The following GSN variants were observed in gnomAD, a reference collection of about 807,000 sequenced individuals.
GSN encodes gelsolin, also known as actin-depolymerizing factor.
A neutral mutation model predicts 85.7 loss-of-function variants in GSN; 56 were observed. The ratio of observed to expected loss-of-function variants is 0.65; its 90% CI spans 0.53 to 0.82. The LOEUF (loss-of-function observed/expected upper bound fraction) is 0.82, where lower values mean the gene tolerates loss of function less well. Among genes scored for constraint, GSN ranks in the 40% least tolerant of loss-of-function variants. GSN has a pLI of 0.00. For synonymous variants in GSN, 373 were observed against 399.1 expected, an observed-to-expected ratio of 0.93 and a Z score of 0.78; for missense variants, 857 against 979.8, an observed-to-expected ratio of 0.87 and a Z score of 1.67.
intron 6 of GSN, among the ~76,000 whole-genome samples, chr9:121,256,832 T>A (rs985247210): frequency 3.8e-4 from 58 of 152,002 alleles, no homozygotes; most frequent in African/African-American, 1.4e-3. Flanking sequence ...GAGGCTGCAG[T>A]GAGCCAAGAT....
At position 121,302,177 on chromosome 9, in the gene GSN, G is replaced by T; in HGVS notation, c.196+10G>T. 1 of 1,611,910 alleles carries T rather than the reference G, an allele frequency of 6.2e-7. No individual in the cohort carries two copies. Among genetic ancestry groups the T allele is most frequent in the Non-Finnish European group, 8.5e-7 (1 of 1,179,470 alleles). On this transcript the variant is annotated intron_variant, in intron 3 of 17. Transcript: ENST00000432226. ...CTCCACTACTGGCTGGGTGAGGCTGGCCCTGCCCAGCCCCTGCCCCAGCCC... is the reference window on the plus strand; with the variant it reads ...CTCCACTACTGGCTGGGTGAGGCTGTCCCTGCCCAGCCCCTGCCCCAGCCC...
At chr9:121,268,439 G>T (rs2055389226) in intron 1 of GSN, among the ~76,000 whole-genome samples, 1 of 152,126 alleles carries the variant, frequency 6.6e-6, no homozygotes, top group Non-Finnish European at 1.5e-5. Flanking sequence ...GCCGGAGCAG[G>T]AGAGGAGAGG....
chr9:121,306,493 C>T (rs1242702010), intron 4 of GSN, among the ~76,000 whole-genome samples: 3 of 140,680 alleles, frequency 2.1e-5, no homozygotes, highest in Non-Finnish European at 3.2e-5. Context: ...CAACATGATT[C>T]TCCCCTTGGA....
At chr9:121,286,360 C>T (rs1286323194) in intron 2 of GSN, among the ~76,000 whole-genome samples, 1 of 152,230 alleles carries the variant, frequency 6.6e-6, no homozygotes, top group Non-Finnish European at 1.5e-5. Context: ...TCAGTGTGTC[C>T]GGTCAGGCCA....
upstream of GSN, chr9:121,265,155 G>A (rs1228657557): frequency 6.6e-6 from 1 of 152,200 alleles, no homozygotes; most frequent in Non-Finnish European, 1.5e-5. Context: ...TGCTTCTAGG[G>A]ACAAACTACA....
intron 6 of GSN, among the ~76,000 whole-genome samples, chr9:121,251,009 A>G (rs143902851): frequency 0.024 from 3,588 of 150,416 alleles, 161 homozygotes; most frequent in African/African-American, 0.084. Context: ...TTTTTTTTGT[A>G]GAGTTGGGGT....
chr9:121,241,951 C>T (rs1357204481), intron 5 of GSN, among the ~76,000 whole-genome samples: 1 of 152,192 alleles, frequency 6.6e-6, no homozygotes, highest in Admixed American at 6.5e-5. Flanking sequence ...GGGTGTTTGA[C>T]AGCATGAACT....
intron 6 of GSN, among the ~76,000 whole-genome samples, chr9:121,262,186 G>C (rs1293710709): frequency 6.6e-6 from 1 of 152,126 alleles, no homozygotes; most frequent in African/African-American, 2.4e-5. Context: ...AATAATTCTT[G>C]ATCCTGAGAA....
intron 2 of GSN, among the ~76,000 whole-genome samples, chr9:121,300,327 CCTTCTCT>C (rs1222803673): frequency 6.6e-6 from 1 of 152,010 alleles, no homozygotes; most frequent in Non-Finnish European, 1.5e-5. Flanking sequence ...TCACTTCTCT[CCTTCTCT>C]CTTCTGATGT....
At chr9:121,293,007 C>A (rs2058838945) in intron 2 of GSN, among the ~76,000 whole-genome samples, 1 of 152,180 alleles carries the variant, frequency 6.6e-6, no homozygotes, top group Non-Finnish European at 1.5e-5. Flanking sequence ...CAGAGCCCAG[C>A]AAGGAGGAAA....
At chr9:121,279,008 A>G (rs2057010798) in intron 1 of GSN, among the ~76,000 whole-genome samples, 3 of 152,218 alleles carry the variant, frequency 2.0e-5, no homozygotes, top group Admixed American at 2.0e-4. Flanking sequence ...ACTTTGGTAA[A>G]TCTTGAGCTG....
chr9:121,296,216 G>T lies in GSN; in HGVS notation c.-9-5747G>T, dbSNP rs1010886355. Among the ~76,000 whole-genome samples, 14 of 152,216 alleles carry T rather than the reference G, an allele frequency of 9.2e-5. 1 individual carries two copies. Among genetic ancestry groups the T allele is most frequent in the African/African-American group, 3.4e-4 (14 of 41,450 alleles). On this transcript the variant is annotated intron_variant, in intron 2 of 17. Coordinates refer to ENST00000432226, the MANE Select transcript of GSN (RefSeq NM_198252.3). ...TGCTAGGAGCTCCTGCTTGGTCTCC[G>T]CAGACAGAGCCTGGGCTCTGAAGCC...
chr9:121,264,204 AG>A (rs1481389050), upstream of GSN, among the ~76,000 whole-genome samples: 1 of 152,238 alleles, frequency 6.6e-6, no homozygotes, highest in African/African-American at 2.4e-5. Flanking sequence ...CTATAATCCC[AG>A]CACTTTCAAA....
At chr9:121,254,989 G>A (rs964227180) in intron 6 of GSN, among the ~76,000 whole-genome samples, 2 of 151,806 alleles carry the variant, frequency 1.3e-5, no homozygotes, top group South Asian at 2.1e-4. Flanking sequence ...TCTCTCTGTC[G>A]CCCAGGCTGG....
chr9:121,251,272 C>T (rs977527708), intron 6 of GSN, among the ~76,000 whole-genome samples: 1 of 140,110 alleles, frequency 7.1e-6, no homozygotes, highest in African/African-American at 2.7e-5. Flanking sequence ...ACCTCCGTCT[C>T]CCGGGTTCAA....
At chr9:121,229,403 A>G (rs1203075066) in intron 4 of GSN, among the ~76,000 whole-genome samples, 1 of 151,970 alleles carries the variant, frequency 6.6e-6, no homozygotes, top group African/African-American at 2.4e-5. Flanking sequence ...TATTTTTAGT[A>G]GAGTTGGGGT....
At chr9:121,302,235 G>T in intron 3 of GSN, 68 bp downstream of exon 3, 3 of 1,542,678 alleles carry the variant, frequency 1.9e-6, no homozygotes, top group Non-Finnish European at 1.8e-6. Context: ...TTGGGGCATG[G>T]TCCCCAGGGA....
At chr9:121,274,413 C>CT (rs1165239070) in intron 1 of GSN, among the ~76,000 whole-genome samples, 2 of 152,158 alleles carry the variant, frequency 1.3e-5, no homozygotes, top group African/African-American at 4.8e-5. Context: ...CTAGTGCATA[C>CT]TTTTTTTGTG....
chr9:121,274,288 C>A (rs769487461), intron 1 of GSN, among the ~76,000 whole-genome samples: 1 of 152,096 alleles, frequency 6.6e-6, no homozygotes. Context: ...AATGCCCACC[C>A]GAGTTTTCAT....
Sources: gnomAD v4.1 joint callset for allele counts (sites outside exome capture counted in the v4.1 genomes callset) on GRCh38, gnomAD v4.1.1 for gene constraint, MANE v1.5 for transcripts, NCBI Gene and HGNC (gene_info 2026-07-23, HGNC 2026-07-21) for gene names.